ASTN2: variants seen among roughly 807,000 people sequenced by gnomAD.
ASTN2 encodes astrotactin-2.
Under a neutral mutation model 139.8 loss-of-function variants are expected in ASTN2, and 54 were observed. The observed-to-expected ratio is 0.39, with a 90% CI of 0.31 to 0.48. ASTN2 has a LOEUF of 0.48. Ranked by LOEUF, ASTN2 falls within the 20% of genes least tolerant of loss-of-function variation. The pLI, the probability that ASTN2 is intolerant of heterozygous loss-of-function variation, is 0.95. For synonymous variants in ASTN2, 756 were observed against 719.5 expected, an observed-to-expected ratio of 1.05 and a Z score of -0.81; for missense variants, 1,565 against 1,725.1, an observed-to-expected ratio of 0.91 and a Z score of 1.64.
At chr9:116,563,113 C>T (rs1853002658) in intron 19 of ASTN2, among the ~76,000 whole-genome samples, 1 of 152,092 alleles carries the variant, frequency 6.6e-6, no homozygotes, top group African/African-American at 2.4e-5. Context: ...CGGTGGCTCA[C>T]ACCTGTAATC....
At chr9:116,820,371 G>T (rs1304687544) in intron 12 of ASTN2, among the ~76,000 whole-genome samples, 1 of 152,124 alleles carries the variant, frequency 6.6e-6, no homozygotes, top group African/African-American at 2.4e-5. Context: ...ATGAGGCCTG[G>T]GCATGGGTTA....
chr9:116,943,399 G>A (rs1835292614), intron 10 of ASTN2, among the ~76,000 whole-genome samples: 1 of 152,098 alleles, frequency 6.6e-6, no homozygotes, highest in Admixed American at 6.5e-5. Context: ...CAACTAGCCT[G>A]CTTACATAAG....
In ASTN2 at chr9:117,145,854, T is replaced by A. The variant is rs564425427; in HGVS notation, c.1016-4376A>T. On this transcript the variant is annotated intron_variant, in intron 3 of 22. Transcript: ENST00000313400. ...TTTCATGGCTCTGACATTCAGCAAT[T>A]CCTAAAGGTCAGCCTCTTTCCATTT... 3.3e-5 allele frequency among the ~76,000 whole-genome samples: 5 copies of A among 152,282 alleles called. No individual in the cohort carries two copies. In the South Asian group the frequency reaches 8.3e-4, roughly 25 times the overall value.
At chr9:116,831,877 T>G (rs970749302) in intron 11 of ASTN2, among the ~76,000 whole-genome samples, 2 of 152,190 alleles carry the variant, frequency 1.3e-5, no homozygotes, top group African/African-American at 4.8e-5. Flanking sequence ...CTTTATTATC[T>G]TGTGCTATCC....
chr9:116,829,624 G>A (rs1049226679), intron 11 of ASTN2, among the ~76,000 whole-genome samples: 2 of 152,088 alleles, frequency 1.3e-5, no homozygotes, highest in Non-Finnish European at 2.9e-5. Flanking sequence ...AATGAGAAGT[G>A]TTACACACTT....
chr9:117,059,875 G>T (rs904547578), intron 5 of ASTN2, among the ~76,000 whole-genome samples: 1 of 152,138 alleles, frequency 6.6e-6, no homozygotes, highest in South Asian at 2.1e-4. Context: ...AGACAAGACC[G>T]CAATTCCTAA....
chr9:117,273,703 A>G (rs972783654), intron 2 of ASTN2, among the ~76,000 whole-genome samples: 1 of 152,124 alleles, frequency 6.6e-6, no homozygotes, highest in Non-Finnish European at 1.5e-5. Context: ...ACCCTTTCAC[A>G]TGGTGTTAAA....
rs534155865 is a variant in ASTN2, at chr9:117,041,359, G to A, written c.1277-1394C>T. Reference sequence around the variant, plus strand: ...AGAATGTCAAATATATTAATAACACGTTCAAAACAGGGTACATTATCTTCT... The same window carrying A: ...AGAATGTCAAATATATTAATAACACATTCAAAACAGGGTACATTATCTTCT... On this transcript the variant is annotated intron_variant, in intron 5 of 22. Transcript: ENST00000313400. Among the ~76,000 whole-genome samples the A allele has an allele frequency of 7.2e-5, 11 of 152,014 alleles. No individual in the cohort carries two copies. In the South Asian group the frequency reaches 1.9e-3, roughly 26 times the overall value.
intron 7 of ASTN2, among the ~76,000 whole-genome samples, chr9:116,983,220 C>A (rs2132538275): frequency 6.6e-6 from 1 of 152,306 alleles, no homozygotes; most frequent in Middle Eastern, 3.4e-3. Flanking sequence ...TCCAAGTGAG[C>A]CACCTTGGGA....
intron 5 of ASTN2, among the ~76,000 whole-genome samples, chr9:117,095,819 T>C (rs1188403301): frequency 6.6e-6 from 1 of 152,158 alleles, no homozygotes; most frequent in Non-Finnish European, 1.5e-5. Flanking sequence ...ATTCACAGTA[T>C]TTTTTGAAGA....
rs4141753 is a variant in ASTN2 at position 116,523,066 on chromosome 9, C to A, written c.3356-35566G>T. Among the ~76,000 whole-genome samples the A allele has an allele frequency of 0.019, 2,846 of 152,194 alleles. 388 individuals are homozygous for A. In the South Asian group the frequency reaches 0.28, roughly 15 times the overall value. On this transcript the variant is annotated intron_variant, in intron 19 of 22. Transcript: ENST00000313400. Reference sequence around the variant, plus strand: ...GACCCCAAAACTAAGATAGAAAAATCTAGAAGTCAAAACAACTATTATAAT... The same window carrying A: ...GACCCCAAAACTAAGATAGAAAAATATAGAAGTCAAAACAACTATTATAAT...
chr9:117,147,591 T>C (rs1372042117), intron 3 of ASTN2, among the ~76,000 whole-genome samples: 2 of 152,146 alleles, frequency 1.3e-5, no homozygotes, highest in African/African-American at 4.8e-5. Flanking sequence ...TCAGACATCA[T>C]CAGTCTGTGA....
intron 1 of ASTN2, among the ~76,000 whole-genome samples, chr9:117,325,753 G>A (rs1479857341): frequency 1.3e-5 from 2 of 152,182 alleles, no homozygotes; most frequent in Admixed American, 1.3e-4. Context: ...GATTGTTAGA[G>A]ATGGAGAGGC....
At chr9:116,436,018 G>A (rs530878624) in intron 22 of ASTN2, among the ~76,000 whole-genome samples, 43 of 152,240 alleles carry the variant, frequency 2.8e-4, no homozygotes, top group African/African-American at 9.1e-4. Context: ...AAATGCCACC[G>A]CAATTGCTGG....
At chr9:117,023,108 A>T (rs755328653) in intron 6 of ASTN2, among the ~76,000 whole-genome samples, 1 of 152,138 alleles carries the variant, frequency 6.6e-6, no homozygotes, top group Non-Finnish European at 1.5e-5. Flanking sequence ...ACTGGCCAGG[A>T]GTGGAATGAA....
intron 4 of ASTN2, among the ~76,000 whole-genome samples, chr9:117,134,692 G>A (rs1829909454): frequency 6.6e-6 from 1 of 152,116 alleles, no homozygotes; most frequent in Admixed American, 6.6e-5. Flanking sequence ...GCTCTGTGAA[G>A]CCTTCTTTAA....
In ASTN2 at chr9:117,377,650, A is replaced by AAT. The variant is rs937280801; in HGVS notation, c.442+36845_442+36846dup. On this transcript the variant is annotated intron_variant, in intron 1 of 22. Coordinates refer to ENST00000313400, the MANE Select transcript of ASTN2 (RefSeq NM_001365068.1). The stretch of plus-strand genomic sequence containing the variant: ...TGCACATGGCAAGAAGCTATATATA[A>AAT]ATATATATATATAATATATACACAA... Among the ~76,000 whole-genome samples, 355 of 150,834 alleles carry AAT rather than the reference A, an allele frequency of 2.4e-3. 1 individual carries two copies. The highest frequency in any genetic ancestry group is 7.6e-3 in the African/African-American group (313 of 41,274).
chr9:116,578,474 T>C (rs1357253124), intron 19 of ASTN2, among the ~76,000 whole-genome samples: 1 of 151,990 alleles, frequency 6.6e-6, no homozygotes, highest in Non-Finnish European at 1.5e-5. Flanking sequence ...ATTCTTATAA[T>C]AATCACTAGA....
chr9:116,895,666 T>C (rs16934034), intron 10 of ASTN2, among the ~76,000 whole-genome samples: 4,332 of 152,280 alleles, frequency 0.028, 226 homozygotes, highest in African/African-American at 0.099. Flanking sequence ...ATGAAGACTG[T>C]ATTGATTTTC....
Sources: allele counts gnomAD v4.1 joint callset (sites outside exome capture counted in the v4.1 genomes callset), GRCh38; gene constraint gnomAD v4.1.1; transcripts MANE v1.5; gene names NCBI Gene and HGNC (gene_info 2026-07-23, HGNC 2026-07-21).